The following PLP1 variants were observed in gnomAD, a reference collection of about 807,000 sequenced individuals.
PLP1 encodes proteolipid protein 1.
PLP1 carries 2 observed loss-of-function variants against 18.5 expected under a neutral mutation model. The ratio of observed to expected loss-of-function variants is 0.11; its 90% CI spans 0.04 to 0.34. PLP1 has a LOEUF of 0.34. Among genes scored for constraint, PLP1 ranks in the 10% least tolerant of loss-of-function variants. The pLI is 1.00. For missense variants in PLP1, 105 were observed against 207.3 expected (o/e 0.51, Z 3.03); for synonymous variants, 86 against 83.2 (o/e 1.03, Z -0.19).
chrX:103,791,030 T>C lies in PLP1; in HGVS notation c.*432T>C, dbSNP rs2074541176. On this transcript the variant is annotated 3_prime_UTR_variant, in exon 7 of 7. Transcript: ENST00000621218. ...CCTCTTGCCATCTATAGGGGCCAAATATATTCTCTTTGGTGTACAAAATGG... is the reference window on the plus strand; with the variant it reads ...CCTCTTGCCATCTATAGGGGCCAAACATATTCTCTTTGGTGTACAAAATGG... 2 of 169,086 alleles carry C rather than the reference T, an allele frequency of 1.2e-5. No individual in the cohort carries two copies. Among genetic ancestry groups the C allele is most frequent in the African/African-American group, 6.0e-5 (2 of 33,122 alleles). The allele number at this position is 169,086 out of a possible 1,213,427, so 13.9% of individuals were successfully genotyped here.
intron 6 of PLP1, among the ~76,000 whole-genome samples, chrX:103,790,247 A>C (rs2074533714): frequency 8.9e-6 from 1 of 112,449 alleles, no homozygotes; most frequent in Non-Finnish European, 1.9e-5. Flanking sequence ...TTCCCTGAGG[A>C]AAACTCAGTG....
intron 1 of PLP1, among the ~76,000 whole-genome samples, chrX:103,782,722 G>A (rs774004560): frequency 3.6e-5 from 4 of 112,054 alleles, no homozygotes; most frequent in Non-Finnish European, 7.5e-5. Context: ...ATGGTCACTT[G>A]CTAGGGTGGA....
intron 1 of PLP1, among the ~76,000 whole-genome samples, chrX:103,778,850 C>T (rs1469040625): frequency 8.9e-6 from 1 of 112,395 alleles, no homozygotes; most frequent in Non-Finnish European, 1.9e-5. Context: ...TGCTGTTCAA[C>T]AATTGCAGTA....
intron 2 of PLP1, chrX:103,786,012 C>G: frequency 2.0e-6 from 1 of 502,960 alleles, no homozygotes; most frequent in Non-Finnish European, 3.0e-6. Context: ...TACACGTGTT[C>G]TGACTTCTGC....
intron 6 of PLP1, 46 bp downstream of exon 6, chrX:103,789,444 A>G (rs1396106402): frequency 3.1e-6 from 3 of 953,575 alleles, no homozygotes; most frequent in Non-Finnish European, 1.5e-6. Flanking sequence ...GGCCTGAGAT[A>G]GTGTGGGTAC....
At position 103,791,774 on chromosome X, in the gene PLP1, G is replaced by A. The variant is rs2074547277; in HGVS notation, c.*1176G>A. ...TTAAACTAGGAAAATTGGACATTAAGCATCACAAATGATATTAAAAATTGG... is the reference window on the plus strand; with the variant it reads ...TTAAACTAGGAAAATTGGACATTAAACATCACAAATGATATTAAAAATTGG... On this transcript the variant is annotated 3_prime_UTR_variant, in exon 7 of 7. Transcript: ENST00000621218. 8.9e-6 allele frequency: 1 copy of A among 112,758 alleles called. No homozygotes were observed. Among genetic ancestry groups the A allele is most frequent in the Non-Finnish European group, 1.9e-5 (1 of 53,307 alleles). The allele number at this position is 112,758 out of a possible 1,213,427, so 9.3% of individuals were successfully genotyped here.
intron 6 of PLP1, among the ~76,000 whole-genome samples, chrX:103,790,163 G>A (rs2074532798): frequency 8.9e-6 from 1 of 112,463 alleles, no homozygotes; most frequent in Non-Finnish European, 1.9e-5. Context: ...ATGTGGCTGT[G>A]TGTCTACAGC....
chrX:103,776,681 A>C, upstream of PLP1: 1 of 300,530 alleles, frequency 3.3e-6, no homozygotes, highest in Non-Finnish European at 5.8e-6. Flanking sequence ...AAACAAAGAA[A>C]ATGAAACAAT....
At chrX:103,789,677 T>C (rs1027920613) in intron 6 of PLP1, among the ~76,000 whole-genome samples, 1 of 112,189 alleles carries the variant, frequency 8.9e-6, no homozygotes, top group Non-Finnish European at 1.9e-5. Context: ...ACATGTAATG[T>C]TGCCAAGTAC....
intron 1 of PLP1, chrX:103,781,049 T>G: frequency 5.1e-6 from 1 of 196,224 alleles, no homozygotes; most frequent in East Asian, 1.2e-4. Flanking sequence ...TATCTCTCCC[T>G]TTGTCAGCTG....
intron 3 of PLP1, chrX:103,787,594 C>T: frequency 2.2e-6 from 1 of 456,785 alleles, no homozygotes; most frequent in Non-Finnish European, 3.9e-6. Flanking sequence ...ATTCCCCCCA[C>T]CCTCCGTTAT....
At chrX:103,789,644 T>G (rs995062775) in intron 6 of PLP1, among the ~76,000 whole-genome samples, 23 of 112,153 alleles carry the variant, frequency 2.1e-4, no homozygotes, top group African/African-American at 7.1e-4. Flanking sequence ...TAGACACGAA[T>G]GATAATATTT....
chrX:103,778,867 T>A (rs886723636), intron 1 of PLP1, among the ~76,000 whole-genome samples: 1 of 112,507 alleles, frequency 8.9e-6, no homozygotes, highest in Non-Finnish European at 1.9e-5. Context: ...AGTAAACACA[T>A]TGTATCATGG....
At chrX:103,787,184 G>A (rs1001971446) in intron 3 of PLP1, among the ~76,000 whole-genome samples, 2 of 111,645 alleles carry the variant, frequency 1.8e-5, no homozygotes, top group African/African-American at 6.5e-5. Flanking sequence ...ATCCTGCACA[G>A]TTCGAGGTCC....
intron 3 of PLP1, among the ~76,000 whole-genome samples, chrX:103,787,293 T>TA (rs1228414288): frequency 2.7e-5 from 3 of 111,682 alleles, no homozygotes; most frequent in African/African-American, 9.8e-5. Flanking sequence ...TCTCTGGAGT[T>TA]AAAGATCCTT....
At chrX:103,787,197 G>C (rs1265427050) in intron 3 of PLP1, among the ~76,000 whole-genome samples, 3 of 111,765 alleles carry the variant, frequency 2.7e-5, no homozygotes, top group African/African-American at 9.8e-5. Context: ...CGAGGTCCCA[G>C]AGGGAATTGG....
intron 1 of PLP1, among the ~76,000 whole-genome samples, chrX:103,779,492 C>T (rs1255275707): frequency 8.9e-6 from 1 of 112,063 alleles, no homozygotes; most frequent in East Asian, 2.8e-4. Context: ...TAAACCAGAT[C>T]CCAGCCAGCA....
chrX:103,780,140 G>A (rs1441046368), intron 1 of PLP1: 1 of 112,763 alleles, frequency 8.9e-6, no homozygotes, highest in Non-Finnish European at 1.9e-5. Context: ...GCTCTGCACT[G>A]GCCTCTGAGC....
At position 103,790,611 on chromosome X, in the gene PLP1, A is replaced by G. The variant is rs911160903; in HGVS notation, c.*13A>G. 4 of 1,164,388 alleles carry G rather than the reference A, an allele frequency of 3.4e-6. No homozygotes were observed. The highest frequency in any genetic ancestry group is 4.7e-6 in the Non-Finnish European group (4 of 852,789). On this transcript the variant is annotated 3_prime_UTR_variant, in exon 7 of 7. Coordinates refer to ENST00000621218, the MANE Select transcript of PLP1 (RefSeq NM_000533.5). The stretch of plus-strand genomic sequence containing the variant: ...CACCAAGTTCTGATCCCCCGTAGAA[A>G]TCCCCCTTTCTCTAATAGCGAGGCT...
Sources: allele counts gnomAD v4.1 joint callset (sites outside exome capture counted in the v4.1 genomes callset), GRCh38; gene constraint gnomAD v4.1.1; transcripts MANE v1.5; gene names NCBI Gene and HGNC (gene_info 2026-07-23, HGNC 2026-07-21).